Variants in SRI observed in about 807,000 individuals in gnomAD.
The protein encoded by SRI is 22 kDa protein.
A neutral mutation model predicts 33.3 loss-of-function variants in SRI; 30 were observed. The ratio of observed to expected loss-of-function variants is 0.90; its 90% CI spans 0.67 to 1.22. SRI has a LOEUF of 1.22. Among genes scored for constraint, SRI ranks in the 50% most tolerant of loss-of-function variants. The probability of loss-of-function intolerance (pLI) is 0.00; values close to 1 mark genes in which losing one functional copy is unlikely to be tolerated. For synonymous variants in SRI, 75 were observed against 89.9 expected, an observed-to-expected ratio of 0.83 and a Z score of 0.94; for missense variants, 243 against 250.8, an observed-to-expected ratio of 0.97 and a Z score of 0.21.
intron 2 of SRI, among the ~76,000 whole-genome samples, chr7:88,218,085 A>T (rs1851777619): frequency 6.6e-6 from 1 of 152,240 alleles, no homozygotes; most frequent in African/African-American, 2.4e-5. Context: ...GCTTTTGGTC[A>T]AAACAAAACT....
At position 88,217,178 on chromosome 7, in the gene SRI, T is replaced by A. The variant is rs748280825; in HGVS notation, c.149A>T (p.Asp50Val). The A allele has an allele frequency of 6.2e-7, 1 of 1,612,764 alleles. No homozygotes were observed. Among genetic ancestry groups the A allele is most frequent in the Non-Finnish European group, 8.5e-7 (1 of 1,179,978 alleles). The change falls in exon 3 of 8, where the codon GAT becomes GTT. Residue 50 changes from aspartate to valine, a missense_variant. Asp to Val is a radical substitution (Grantham distance 152). Transcript: ENST00000265729. ...AAVAGQDGQIDADELQRCLTQ... is the reference protein window; with the variant it reads ...AAVAGQDGQIVADELQRCLTQ... ...CAGACATCTCTGCAATTCATCAGCA[T>A]CTATCTGCCCATCCTTTTGAAAAAA... is the stretch of plus-strand genomic sequence containing the variant.
Position 88,205,808 on chromosome 7 carries a change from A to G in SRI, c.*670T>C, listed in dbSNP as rs1851427718. On this transcript the variant is annotated 3_prime_UTR_variant, in exon 8 of 8. Transcript: ENST00000265729. ...AGAATTCCATTCATCCAAAATAAACATTGTTAATATTTCCATATATTCCCT... is the reference window on the plus strand; with the variant it reads ...AGAATTCCATTCATCCAAAATAAACGTTGTTAATATTTCCATATATTCCCT... 6.6e-6 allele frequency: 1 copy of G among 152,444 alleles called. No individual in the cohort carries two copies. The highest frequency in any genetic ancestry group is 1.5e-5 in the Non-Finnish European group (1 of 68,034). 9.4% of individuals were successfully genotyped at this position (152,444 alleles called of 1,614,324 possible). A position where few individuals can be genotyped will look rare whatever the true frequency, so the allele number is the denominator to read the frequency against.
At chr7:88,224,388 C>T (rs1322090907), upstream of SRI, among the ~76,000 whole-genome samples, 1 of 152,190 alleles carries the variant, frequency 6.6e-6, no homozygotes, top group African/African-American at 2.4e-5. Flanking sequence ...ACCATACCTG[C>T]AGTTGAATTA....
At chr7:88,214,238 A>G (rs149327442) in intron 3 of SRI, among the ~76,000 whole-genome samples, 1 of 152,352 alleles carries the variant, frequency 6.6e-6, no homozygotes, top group African/African-American at 2.4e-5. Context: ...AGCATAAGCA[A>G]AGAGAGAAGT....
intron 7 of SRI, among the ~76,000 whole-genome samples, chr7:88,206,827 A>C (rs1172028389): frequency 1.3e-5 from 2 of 152,216 alleles, no homozygotes; most frequent in African/African-American, 2.4e-5. Context: ...GGTCAAAGAC[A>C]CTTACCACAA....
chr7:88,220,340 A>G (rs1488142697), upstream of SRI, among the ~76,000 whole-genome samples: 1 of 143,058 alleles, frequency 7.0e-6, no homozygotes, highest in Admixed American at 7.1e-5. Flanking sequence ...CAACACCAAT[A>G]CACCACCCCA....
Position 88,206,258 on chromosome 7 carries a change from A to G in SRI, c.*220T>C. On this transcript the variant is annotated 3_prime_UTR_variant, in exon 8 of 8. Transcript: ENST00000265729. ...GGCATGACTGATAATGGCTCAGGAA[A>G]GTTCTAAATGGTGTAACAGACTAGA... 1.7e-6 allele frequency: 1 copy of G among 583,904 alleles called. No individual in the cohort carries two copies. The highest frequency in any genetic ancestry group is 3.0e-6 in the Non-Finnish European group (1 of 328,658). 36.2% of individuals were successfully genotyped at this position (583,904 alleles called of 1,614,324 possible).
upstream of SRI, among the ~76,000 whole-genome samples, chr7:88,224,376 T>G (rs1851952748): frequency 6.6e-6 from 1 of 152,240 alleles, no homozygotes; most frequent in Non-Finnish European, 1.5e-5. Context: ...TGTAGTTATT[T>G]CACCATACCT....
At chr7:88,215,974 G>T (rs1447623711) in intron 3 of SRI, among the ~76,000 whole-genome samples, 4 of 152,216 alleles carry the variant, frequency 2.6e-5, no homozygotes, top group Non-Finnish European at 4.4e-5. Flanking sequence ...GAAGCCCCCA[G>T]TTGGGATGCA....
intron 6 of SRI, 85 bp downstream of exon 6, chr7:88,209,254 A>G (rs1347070296): frequency 8.8e-7 from 1 of 1,139,276 alleles, no homozygotes. Context: ...TTTGGGAAGA[A>G]TAAAAGTTGA....
intron 3 of SRI, among the ~76,000 whole-genome samples, chr7:88,214,406 AC>A (rs1350371212): frequency 6.6e-6 from 1 of 152,204 alleles, no homozygotes; most frequent in Non-Finnish European, 1.5e-5. Context: ...GAGGAGAGGG[AC>A]AGATCAGGAA....
chr7:88,206,586 T>C, intron 7 of SRI, 82 bp from the exon 8 acceptor site: 2 of 1,546,496 alleles, frequency 1.3e-6, no homozygotes, highest in South Asian at 1.1e-5. Context: ...ACATTTGGTT[T>C]TCTAATTTGA....
At chr7:88,220,272 G>T (rs964363192), upstream of SRI, among the ~76,000 whole-genome samples, 3 of 152,098 alleles carry the variant, frequency 2.0e-5, no homozygotes, top group Non-Finnish European at 4.4e-5. Context: ...GGCGGCCTAC[G>T]ACCTGCGAGG....
chr7:88,211,444 G>C (rs1483092529), intron 3 of SRI, among the ~76,000 whole-genome samples: 1 of 151,364 alleles, frequency 6.6e-6, no homozygotes, highest in Non-Finnish European at 1.5e-5. Flanking sequence ...GACAGGGCAA[G>C]ACTCCATCTC....
chr7:88,220,242 T>G (rs899051666), upstream of SRI, among the ~76,000 whole-genome samples: 48 of 152,238 alleles, frequency 3.2e-4, no homozygotes, highest in Non-Finnish European at 5.4e-4. Flanking sequence ...GCTAATGCAG[T>G]GCACGACTGA....
At chr7:88,221,012 G>T (rs796238487), upstream of SRI, among the ~76,000 whole-genome samples, 5 of 152,172 alleles carry the variant, frequency 3.3e-5, no homozygotes, top group South Asian at 1.0e-3. Context: ...ACAGAAAATT[G>T]CTTGCCCTTC....
At position 88,206,481 on chromosome 7, in the gene SRI, A is replaced by G. The variant is rs1171022949; in HGVS notation, c.594T>C (p.Val198=). The part of the protein sequence containing the change: ...YDDFIQCVMS[V] ...ATTCATGCAGCTTCCTCTTGATTTA[A>G]ACACTCATGACACATTGAATGAACT... The change falls in exon 8 of 8, where the codon GTT becomes GTC. Residue 198 remains valine, a synonymous_variant. Coordinates refer to ENST00000265729, the MANE Select transcript of SRI (RefSeq NM_003130.4). 4 of 1,613,928 alleles carry G rather than the reference A, an allele frequency of 2.5e-6. No individual in the cohort carries two copies. Among genetic ancestry groups the G allele is most frequent in the Non-Finnish European group, 3.4e-6 (4 of 1,179,862 alleles).
chr7:88,217,892 T>A (rs1851773247), intron 2 of SRI, among the ~76,000 whole-genome samples: 1 of 152,146 alleles, frequency 6.6e-6, no homozygotes, highest in Admixed American at 6.5e-5. Context: ...TGCCTTGTGG[T>A]TTCAAAGATA....
Position 88,220,007 on chromosome 7 carries a change from G to C in SRI, c.20C>G (p.Pro7Arg), listed in dbSNP as rs1349627920. The change falls in exon 1 of 8, where the codon CCT (proline) becomes CGT (arginine). Residue 7 changes from proline to arginine, a missense_variant. Pro to Arg is a moderately radical substitution (Grantham distance 103). Coordinates refer to ENST00000265729, the MANE Select transcript of SRI (RefSeq NM_003130.4). MAYPGH[P>R]GAGGGYYPGG... ...TGGGTAGTACCCGCCGCCGGCGCCA[G>C]GATGCCCCGGGTACGCCATGCTGCA... The C allele has an allele frequency of 6.5e-7, 1 of 1,534,998 alleles. No individual in the cohort carries two copies. Among genetic ancestry groups the C allele is most frequent in the Non-Finnish European group, 8.7e-7 (1 of 1,145,714 alleles).
Sources: gnomAD v4.1 joint callset for allele counts (sites outside exome capture counted in the v4.1 genomes callset) on GRCh38, gnomAD v4.1.1 for gene constraint, MANE v1.5 for transcripts, NCBI Gene and HGNC (gene_info 2026-07-23, HGNC 2026-07-21) for gene names.